DTNB: variants seen among roughly 807,000 people sequenced by gnomAD.
DTNB encodes the protein dystrobrevin beta.
DTNB carries 63 observed loss-of-function variants against 90.7 expected under a neutral mutation model. The observed-to-expected ratio is 0.69, with a 90% CI of 0.57 to 0.86. DTNB has a LOEUF of 0.86. Ranked by LOEUF, DTNB falls within the 40% of genes least tolerant of loss-of-function variation. The pLI is 0.00. For synonymous variants in DTNB, 277 were observed against 286.7 expected (o/e 0.97, Z 0.34); for missense variants, 744 against 807.1 (o/e 0.92, Z 0.95).
At chr2:25,571,463 C>T (rs555527866) in intron 8 of DTNB, among the ~76,000 whole-genome samples, 1 of 152,308 alleles carries the variant, frequency 6.6e-6, no homozygotes, top group South Asian at 2.1e-4. Flanking sequence ...ACAATCCTCC[C>T]CTGCTCATTG....
intron 8 of DTNB, among the ~76,000 whole-genome samples, chr2:25,540,925 G>C (rs1452937482): frequency 6.6e-6 from 1 of 151,646 alleles, no homozygotes; most frequent in Non-Finnish European, 1.5e-5. Context: ...AGGGTCCTCT[G>C]CCTAGGAAAA....
At chr2:25,671,434 ACC>A (rs2085880154) in intron 1 of DTNB, among the ~76,000 whole-genome samples, 3 of 152,218 alleles carry the variant, frequency 2.0e-5, no homozygotes, top group Non-Finnish European at 4.4e-5. Context: ...ATATTGTAGA[ACC>A]TAGGCACCTC....
intron 8 of DTNB, among the ~76,000 whole-genome samples, chr2:25,550,521 T>C (rs563220378): frequency 2.4e-4 from 37 of 152,312 alleles, no homozygotes; most frequent in Non-Finnish European, 5.3e-4. Context: ...CTCTCCAGTG[T>C]TTCCTAAGAA....
At chr2:25,469,534 C>T (rs949379617) in intron 10 of DTNB, among the ~76,000 whole-genome samples, 1 of 152,136 alleles carries the variant, frequency 6.6e-6, no homozygotes, top group African/African-American at 2.4e-5. Flanking sequence ...CAACCTCCGC[C>T]TCCTGGGTTC....
chr2:25,420,467 AATCTATCTATCTATCTATCTATCTATCT>A (rs70947889), intron 15 of DTNB, among the ~76,000 whole-genome samples: 33,590 of 145,466 alleles, frequency 0.23, 4,653 homozygotes, highest in Non-Finnish European at 0.33. Flanking sequence ...CATCTAAATC[AATCTATCTATCTATCTATCTATCTATCT>A]ATCTATCTAT....
At chr2:25,573,214 C>T (rs111719098) in intron 8 of DTNB, among the ~76,000 whole-genome samples, 3 of 151,780 alleles carry the variant, frequency 2.0e-5, no homozygotes, top group Non-Finnish European at 2.9e-5. Flanking sequence ...CCAAACTGCT[C>T]GGATTACAGG....
intron 8 of DTNB, among the ~76,000 whole-genome samples, chr2:25,552,541 G>A (rs2056483389): frequency 6.6e-6 from 1 of 152,150 alleles, no homozygotes; most frequent in South Asian, 2.1e-4. Flanking sequence ...GAACACTGAC[G>A]ACACTATCCC....
At chr2:25,420,914 T>C (rs1256483380) in intron 15 of DTNB, among the ~76,000 whole-genome samples, 1 of 152,204 alleles carries the variant, frequency 6.6e-6, no homozygotes, top group Non-Finnish European at 1.5e-5. Flanking sequence ...TTCAAGTTTC[T>C]CTTTCTTCAG....
At chr2:25,543,948 G>A (rs553080603) in intron 8 of DTNB, among the ~76,000 whole-genome samples, 7 of 152,274 alleles carry the variant, frequency 4.6e-5, no homozygotes, top group Admixed American at 2.6e-4. Context: ...TTAACACTCA[G>A]TGTAAAAATT....
intron 4 of DTNB, among the ~76,000 whole-genome samples, chr2:25,625,551 ATTTTT>A (rs66586812): frequency 4.1e-5 from 3 of 73,960 alleles, no homozygotes; most frequent in South Asian, 1.1e-3. Context: ...TAACTCACTC[ATTTTT>A]TTTTTTTTTT....
chr2:25,397,712 T>C (rs1387164543), intron 16 of DTNB, among the ~76,000 whole-genome samples: 1 of 151,888 alleles, frequency 6.6e-6, no homozygotes, highest in African/African-American at 2.4e-5. Flanking sequence ...AAACCCTGTC[T>C]CTACTAAACA....
intron 16 of DTNB, among the ~76,000 whole-genome samples, chr2:25,404,426 G>A (rs950447936): frequency 1.3e-5 from 2 of 152,184 alleles, no homozygotes; most frequent in African/African-American, 4.8e-5. Flanking sequence ...GGCTGGAGAG[G>A]AGGCTGTACT....
intron 4 of DTNB, among the ~76,000 whole-genome samples, chr2:25,618,399 T>A (rs2071415368): frequency 6.6e-6 from 1 of 152,206 alleles, no homozygotes; most frequent in Non-Finnish European, 1.5e-5. Flanking sequence ...CTGGTCAAGT[T>A]GAAACTGAAT....
intron 1 of DTNB, among the ~76,000 whole-genome samples, chr2:25,667,680 G>A (rs911563987): frequency 1.3e-5 from 2 of 152,186 alleles, no homozygotes; most frequent in African/African-American, 4.8e-5. Flanking sequence ...GAATGCAAAT[G>A]ATACAGTCAC....
intron 8 of DTNB, among the ~76,000 whole-genome samples, chr2:25,549,244 T>C (rs544505689): frequency 3.3e-5 from 5 of 151,994 alleles, no homozygotes; most frequent in African/African-American, 4.8e-5. Flanking sequence ...TGAATATACA[T>C]ATATCAATAT....
intron 8 of DTNB, among the ~76,000 whole-genome samples, chr2:25,569,199 G>T (rs1334444276): frequency 6.6e-6 from 1 of 152,124 alleles, no homozygotes; most frequent in Non-Finnish European, 1.5e-5. Flanking sequence ...GCATGGAGCA[G>T]AAAAAAGCCA....
chr2:25,539,666 C>A (rs1220045603), intron 8 of DTNB, among the ~76,000 whole-genome samples: 6 of 150,846 alleles, frequency 4.0e-5, no homozygotes, highest in South Asian at 4.2e-4. Context: ...ACAAACAACT[C>A]CTATTATGAG....
chr2:25,591,280 G>A (rs2063528393), intron 6 of DTNB, among the ~76,000 whole-genome samples: 1 of 152,168 alleles, frequency 6.6e-6, no homozygotes, highest in South Asian at 2.1e-4. Context: ...CTGCGCCCAG[G>A]GAAGGCGAAG....
At chr2:25,512,907 G>C (rs562139754) in intron 9 of DTNB, among the ~76,000 whole-genome samples, 1 of 152,312 alleles carries the variant, frequency 6.6e-6, no homozygotes, top group African/African-American at 2.4e-5. Context: ...AAGTAAGGTG[G>C]GTCCCGATTA....
Sources: allele counts gnomAD v4.1 joint callset (sites outside exome capture counted in the v4.1 genomes callset), GRCh38; gene constraint gnomAD v4.1.1; transcripts MANE v1.5; gene names NCBI Gene and HGNC (gene_info 2026-07-23, HGNC 2026-07-21).